Variants in CHD9 observed in about 807,000 individuals in gnomAD.
CHD9 encodes the protein ATP-dependent chromatin remodeler CHD9.
Under a neutral mutation model 316.1 loss-of-function variants are expected in CHD9, and 77 were observed. The ratio of observed to expected loss-of-function variants is 0.24; its 90% CI spans 0.20 to 0.29. CHD9 has a LOEUF of 0.29. Among genes scored for constraint, CHD9 ranks in the 10% least tolerant of loss-of-function variants. The pLI, the probability that CHD9 is intolerant of heterozygous loss-of-function variation, is 1.00. For synonymous variants in CHD9, 1,129 were observed against 1,158.3 expected (o/e 0.97, Z 0.51); for missense variants, 2,763 against 3,438.1 (o/e 0.80, Z 4.91).
intron 17 of CHD9, among the ~76,000 whole-genome samples, chr16:53,254,191 AAAAAT>A (rs1355244214): frequency 2.0e-5 from 3 of 152,096 alleles, no homozygotes; most frequent in African/African-American, 7.2e-5. Context: ...AACAAACAAA[AAAAAT>A]AGTCCTTTGT....
chr16:53,151,519 G>A (rs1396709557), intron 1 of CHD9, among the ~76,000 whole-genome samples: 2 of 151,936 alleles, frequency 1.3e-5, no homozygotes, highest in African/African-American at 2.4e-5. Flanking sequence ...GACTCCCAGA[G>A]TGCTGGGATT....
At chr16:53,105,652 G>A (rs1195318173) in intron 1 of CHD9, among the ~76,000 whole-genome samples, 1 of 152,076 alleles carries the variant, frequency 6.6e-6, no homozygotes, top group East Asian at 1.9e-4. Context: ...TGGAATCAAA[G>A]TTATACTATG....
At chr16:53,318,391 G>A (rs2057034847) in intron 37 of CHD9, 51 bp downstream of exon 37, 2 of 1,420,466 alleles carry the variant, frequency 1.4e-6, no homozygotes, top group South Asian at 2.7e-5. Flanking sequence ...ATATTTAAGA[G>A]ATCTCCAGAA....
chr16:53,205,464 A>C (rs1429179152), intron 2 of CHD9, among the ~76,000 whole-genome samples: 1 of 152,122 alleles, frequency 6.6e-6, no homozygotes, highest in Non-Finnish European at 1.5e-5. Flanking sequence ...GAATTTGATG[A>C]CTGCTTAGAT....
intron 36 of CHD9, 28 bp from the exon 37 acceptor site, chr16:53,318,184 A>T (rs775446027): frequency 6.3e-7 from 1 of 1,576,078 alleles, no homozygotes; most frequent in Non-Finnish European, 8.6e-7. Flanking sequence ...AAAGACTTTA[A>T]AGATATGTCT....
intron 1 of CHD9, among the ~76,000 whole-genome samples, chr16:53,153,494 G>A (rs758179052): frequency 3.9e-5 from 6 of 152,088 alleles, no homozygotes; most frequent in Non-Finnish European, 8.8e-5. Flanking sequence ...ATGTAAAACA[G>A]TGGAGGAAAC....
At chr16:53,184,901 C>G (rs1220263054) in intron 2 of CHD9, among the ~76,000 whole-genome samples, 1 of 152,106 alleles carries the variant, frequency 6.6e-6, no homozygotes, top group Non-Finnish European at 1.5e-5. Flanking sequence ...GTCATTTTCT[C>G]TCTCCTGCCA....
In CHD9 at chr16:53,122,965, C is replaced by G. The variant is rs183845495; in HGVS notation, c.-164-32961C>G. On this transcript the variant is annotated intron_variant, in intron 1 of 38. Coordinates refer to ENST00000447540, the MANE Select transcript of CHD9 (RefSeq NM_001308319.2). The stretch of plus-strand genomic sequence containing the variant: ...ATCTCCTGACCTCGTGATCCACCCA[C>G]CTCGGCCTCCCAAAGTGCTGGGATT... Among the ~76,000 whole-genome samples the G allele has an allele frequency of 2.6e-3, 387 of 151,564 alleles. 1 individual carries two copies. The highest frequency in any genetic ancestry group is 7.8e-3 in the African/African-American group (323 of 41,292).
At position 53,099,869 on chromosome 16, in the gene CHD9, G is replaced by C. The variant is rs991792507; in HGVS notation, c.-165+44792G>C. ...CTGCAGACCAGGCGCCCCGGGCAGC[G>C]GGAGGGGGTGCTCCCACCCCAGAGG... On this transcript the variant is annotated intron_variant, in intron 1 of 38. Coordinates refer to ENST00000447540, the MANE Select transcript of CHD9 (RefSeq NM_001308319.2). 5.3e-5 allele frequency among the ~76,000 whole-genome samples: 8 copies of C among 152,374 alleles called. No homozygotes were observed. In the South Asian group the frequency reaches 1.7e-3, roughly 32 times the overall value.
At chr16:53,093,500 C>T (rs986735810) in intron 1 of CHD9, among the ~76,000 whole-genome samples, 12 of 152,168 alleles carry the variant, frequency 7.9e-5, no homozygotes, top group African/African-American at 2.9e-4. Context: ...TATTGAGCAC[C>T]TGCTATGTGC....
chr16:53,102,842 C>T (rs558835555), intron 1 of CHD9, among the ~76,000 whole-genome samples: 1 of 151,928 alleles, frequency 6.6e-6, no homozygotes, highest in African/African-American at 2.4e-5. Flanking sequence ...AGAGTGAGAC[C>T]CTGTCTCTTT....
At chr16:53,190,091 T>G (rs571217668) in intron 2 of CHD9, among the ~76,000 whole-genome samples, 1 of 152,154 alleles carries the variant, frequency 6.6e-6, no homozygotes, top group African/African-American at 2.4e-5. Context: ...CTGGTCCACA[T>G]TGGTCCCCAA....
rs1277196457 is a variant in CHD9 at position 53,254,509 on chromosome 16, A to T, written c.3933A>T (p.Ser1311=). The change falls in exon 18 of 39, where the codon TCA becomes TCT. Residue 1311 remains serine (S), a synonymous_variant. Coordinates refer to ENST00000447540, the MANE Select transcript of CHD9 (RefSeq NM_001308319.2). ...TCTACAGACTGGTAACTCGTAACTC[A>T]TATGAGAGAGAGATGTTTGACCGAG... ...VKVYRLVTRN[S]YEREMFDRAS... 2 of 1,613,192 alleles carry T rather than the reference A, an allele frequency of 1.2e-6. No homozygotes were observed. Among genetic ancestry groups the T allele is most frequent in the African/African-American group, 1.3e-5 (1 of 74,940 alleles).
At chr16:53,197,782 T>A (rs2045065191) in intron 2 of CHD9, among the ~76,000 whole-genome samples, 1 of 151,750 alleles carries the variant, frequency 6.6e-6, no homozygotes, top group South Asian at 2.1e-4. Context: ...CCTCAGATCC[T>A]GAGTAGATAG....
At chr16:53,242,409 C>G (rs2049182445) in intron 12 of CHD9, among the ~76,000 whole-genome samples, 1 of 152,150 alleles carries the variant, frequency 6.6e-6, no homozygotes, top group Admixed American at 6.5e-5. Context: ...CATAGATACT[C>G]AATATCTGCT....
chr16:53,185,269 C>T (rs766610117), intron 2 of CHD9, among the ~76,000 whole-genome samples: 9 of 152,144 alleles, frequency 5.9e-5, no homozygotes, highest in Non-Finnish European at 1.3e-4. Context: ...GTGATATGGA[C>T]AATTAATTCC....
chr16:53,094,071 G>C (rs895515735), intron 1 of CHD9, among the ~76,000 whole-genome samples: 6 of 152,172 alleles, frequency 3.9e-5, no homozygotes, highest in African/African-American at 1.2e-4. Context: ...TGGCCAGTGG[G>C]GCCTGGCTGT....
At chr16:53,231,584 C>G (rs926566102) in intron 9 of CHD9, 63 bp from the exon 10 acceptor site, 4 of 1,398,590 alleles carry the variant, frequency 2.9e-6, no homozygotes, top group Non-Finnish European at 3.9e-6. Flanking sequence ...ACTTTATTCT[C>G]TGTTTAAACT....
At chr16:53,273,517 T>C (rs2052493374) in intron 22 of CHD9, 109 bp from the exon 23 acceptor site, 3 of 750,516 alleles carry the variant, frequency 4.0e-6, no homozygotes, top group African/African-American at 3.5e-5. Context: ...TTTAAAGATC[T>C]CTGAACAGAC....
Sources: gnomAD v4.1 joint callset for allele counts (sites outside exome capture counted in the v4.1 genomes callset) on GRCh38, gnomAD v4.1.1 for gene constraint, MANE v1.5 for transcripts, NCBI Gene and HGNC (gene_info 2026-07-23, HGNC 2026-07-21) for gene names.